The following CCDC47 variants were observed in gnomAD, a reference collection of about 807,000 sequenced individuals.
CCDC47 encodes the protein coiled-coil domain containing 47, also known as PAT complex subunit CCDC47.
In CCDC47, 41 loss-of-function variants were observed where a neutral mutation model predicts 60.5. The ratio of observed to expected loss-of-function variants is 0.68; its 90% CI spans 0.53 to 0.88. The LOEUF (loss-of-function observed/expected upper bound fraction) is 0.88. Ranked by LOEUF, CCDC47 falls within the 40% of genes least tolerant of loss-of-function variation. The pLI, the probability that CCDC47 is intolerant of heterozygous loss-of-function variation, is 0.00. For missense variants in CCDC47, 513 were observed against 580.9 expected, an observed-to-expected ratio of 0.88 and a Z score of 1.20; for synonymous variants, 195 against 190.7, an observed-to-expected ratio of 1.02 and a Z score of -0.18.
chr17:63,767,716 TA>T (rs1368463815), intron 1 of CCDC47, among the ~76,000 whole-genome samples: 1 of 151,918 alleles, frequency 6.6e-6, no homozygotes, highest in African/African-American at 2.4e-5. Flanking sequence ...GTTCTTTTTT[TA>T]AAAAAAACTT....
intron 9 of CCDC47, chr17:63,753,562 G>A: frequency 1.2e-6 from 1 of 811,942 alleles, no homozygotes; most frequent in Non-Finnish European, 1.5e-6. Flanking sequence ...CGAGCATAAA[G>A]GTAAATAAAT....
intron 8 of CCDC47, 85 bp downstream of exon 8, chr17:63,756,155 T>C (rs1568247766): frequency 1.2e-6 from 1 of 860,424 alleles, no homozygotes; most frequent in East Asian, 2.4e-5. Context: ...TGCCATAAAA[T>C]GATGAACTTG....
chr17:63,750,166 C>G (rs1240764102), intron 12 of CCDC47, among the ~76,000 whole-genome samples: 2 of 152,128 alleles, frequency 1.3e-5, no homozygotes, highest in Non-Finnish European at 2.9e-5. Flanking sequence ...CAGGCCCCCT[C>G]TTCCTTTAAC....
intron 12 of CCDC47, among the ~76,000 whole-genome samples, chr17:63,748,662 T>C (rs556718716): frequency 1.2e-4 from 19 of 152,230 alleles, no homozygotes; most frequent in Admixed American, 1.2e-3. Flanking sequence ...TACAATATCA[T>C]GTATAAGAAA....
intron 8 of CCDC47, among the ~76,000 whole-genome samples, chr17:63,755,081 C>T (rs913423011): frequency 6.6e-6 from 1 of 151,976 alleles, no homozygotes; most frequent in African/African-American, 2.4e-5. Context: ...AGTGATCTTC[C>T]TGCCTCAGCC....
chr17:63,751,521 A>T (rs1015031597), intron 12 of CCDC47, among the ~76,000 whole-genome samples: 1 of 152,048 alleles, frequency 6.6e-6, no homozygotes, highest in Non-Finnish European at 1.5e-5. Flanking sequence ...TAGGTAAAAA[A>T]CAGAAAACAA....
chr17:63,770,185 A>G (rs2039327251), intron 1 of CCDC47, among the ~76,000 whole-genome samples: 1 of 150,790 alleles, frequency 6.6e-6, no homozygotes, highest in African/African-American at 2.4e-5. Flanking sequence ...TTGGTCTCGA[A>G]CTCCTGACCT....
chr17:63,765,855 GT>G, intron 2 of CCDC47, 56 bp downstream of exon 2: 1 of 1,523,180 alleles, frequency 6.6e-7, no homozygotes, highest in Non-Finnish European at 8.9e-7. Flanking sequence ...TAATTTTAAT[GT>G]TTGGGAAAGG....
At chr17:63,766,552 T>C (rs1031987729) in intron 1 of CCDC47, among the ~76,000 whole-genome samples, 3 of 152,242 alleles carry the variant, frequency 2.0e-5, no homozygotes, top group Non-Finnish European at 4.4e-5. Context: ...GCCTCCCGAG[T>C]AGCTGGGATT....
chr17:63,747,793 A>G, intron 12 of CCDC47: 4 of 985,312 alleles, frequency 4.1e-6, no homozygotes, highest in Non-Finnish European at 4.8e-6. Context: ...TAGTGCAACA[A>G]ATTAGGTTTC....
chr17:63,762,995 C>T (rs1350855631), intron 4 of CCDC47, among the ~76,000 whole-genome samples: 2 of 152,144 alleles, frequency 1.3e-5, no homozygotes, highest in Non-Finnish European at 2.9e-5. Context: ...GATTCTGTAC[C>T]ACTGCAGCCT....
chr17:63,761,531 A>AAAAG (rs1555716426), intron 4 of CCDC47, 180 bp from the exon 5 acceptor site: 29 of 464,554 alleles, frequency 6.2e-5, no homozygotes, highest in Middle Eastern at 6.3e-4. Flanking sequence ...AAAAAAAAAA[A>AAAAG]AAAAAATTAT....
chr17:63,752,107 C>T lies in CCDC47; in HGVS notation c.1204G>A (p.Gly402Ser). 6.2e-7 allele frequency: 1 copy of T among 1,612,452 alleles called. No individual in the cohort carries two copies. Among genetic ancestry groups the T allele is most frequent in the Middle Eastern group, 1.7e-4 (1 of 6,048 alleles). ...KAKKFRLNRE[G>S]KQKADKNRAR... ...CGGTTCTTATCTGCTTTTTGTTTGC[C>T]CTTCCCCAAGAAACAAAGTATTTCA... Residue 402 changes from glycine (G) to serine (S), a missense_variant and splice_region_variant, in exon 12 of 13, where the codon GGC (glycine) becomes AGC (serine). Coordinates refer to ENST00000225726, the MANE Select transcript of CCDC47 (RefSeq NM_020198.3).
intron 1 of CCDC47, among the ~76,000 whole-genome samples, chr17:63,768,455 G>A (rs918194611): frequency 1.3e-5 from 2 of 150,118 alleles, no homozygotes; most frequent in Non-Finnish European, 2.9e-5. Flanking sequence ...TGGGAGACTG[G>A]GGTGAGTGAA....
chr17:63,764,532 A>G (rs560557709), intron 3 of CCDC47, among the ~76,000 whole-genome samples: 1 of 152,258 alleles, frequency 6.6e-6, no homozygotes, highest in South Asian at 2.1e-4. Flanking sequence ...AAGTGCTACA[A>G]TGATGAATAG....
At chr17:63,767,037 A>G (rs1461222705) in intron 1 of CCDC47, 5 of 548,594 alleles carry the variant, frequency 9.1e-6, no homozygotes, top group East Asian at 1.4e-4. Flanking sequence ...TTTAATCCTC[A>G]TAACAACCCT....
rs556784680 is a variant in CCDC47, at chr17:63,762,337, T to C, written c.548-986A>G. On this transcript the variant is annotated intron_variant, in intron 4 of 12. Coordinates refer to ENST00000225726, the MANE Select transcript of CCDC47 (RefSeq NM_020198.3). ...GGTCAAAACATACTCTGAAATACTA[T>C]GGTATAGTGGAGACGGGGTGGACTT... The C allele has an allele frequency of 1.3e-5, 9 of 691,812 alleles. No homozygotes were observed. The East Asian group carries it at 8.1e-4, about 62-fold the overall frequency. 42.9% of individuals were successfully genotyped at this position (691,812 alleles called of 1,614,324 possible).
chr17:63,760,836 C>CAAA (rs374704881), intron 6 of CCDC47, 78 bp downstream of exon 6: 141 of 795,140 alleles, frequency 1.8e-4, no homozygotes, highest in South Asian at 2.0e-4. Context: ...GAGACTCCAT[C>CAAA]AAAAAAAAAA....
intron 12 of CCDC47, among the ~76,000 whole-genome samples, chr17:63,748,986 C>A (rs1402613659): frequency 6.7e-6 from 1 of 150,036 alleles, no homozygotes; most frequent in Non-Finnish European, 1.5e-5. Flanking sequence ...TGCATTCCAG[C>A]CTGGGCGACA....
Sources: gnomAD v4.1 joint callset for allele counts (sites outside exome capture counted in the v4.1 genomes callset) on GRCh38, gnomAD v4.1.1 for gene constraint, MANE v1.5 for transcripts, NCBI Gene and HGNC (gene_info 2026-07-23, HGNC 2026-07-21) for gene names.